STK3: variants seen among roughly 807,000 people sequenced by gnomAD.
The protein encoded by STK3 is serine/threonine kinase 3, also known as serine/threonine-protein kinase 3.
Under a neutral mutation model 58.0 loss-of-function variants are expected in STK3, and 41 were observed. That is an observed-to-expected ratio of 0.71 (90% CI 0.55 to 0.92). The LOEUF is 0.92. Ranked by LOEUF, STK3 falls within the 40% of genes least tolerant of loss-of-function variation. The pLI, the probability that STK3 is intolerant of heterozygous loss-of-function variation, is 0.00. For missense variants in STK3, 479 were observed against 602.7 expected (o/e 0.79, Z 2.15); for synonymous variants, 170 against 191.0 (o/e 0.89, Z 0.91).
At chr8:98,460,579 C>G (rs1352474053) in intron 10 of STK3, among the ~76,000 whole-genome samples, 1 of 152,192 alleles carries the variant, frequency 6.6e-6, no homozygotes, top group Non-Finnish European at 1.5e-5. Context: ...TGTCCCCACT[C>G]AAATCTCATC....
chr8:98,538,072 A>G (rs985804136), intron 9 of STK3, among the ~76,000 whole-genome samples: 1 of 152,184 alleles, frequency 6.6e-6, no homozygotes, highest in East Asian at 1.9e-4. Flanking sequence ...CATGATTATG[A>G]CAAAGATATT....
intron 1 of STK3, among the ~76,000 whole-genome samples, chr8:98,381,376 A>G (rs1359620729): frequency 6.6e-6 from 1 of 152,130 alleles, no homozygotes; most frequent in Non-Finnish European, 1.5e-5. Context: ...CACTTCTTTC[A>G]ATCTTAACTG....
At chr8:98,844,350 T>G (rs1416831700) in intron 3 of STK3, among the ~76,000 whole-genome samples, 1 of 152,184 alleles carries the variant, frequency 6.6e-6, no homozygotes. Context: ...AATAATTGGT[T>G]CAGCTATGGG....
intron 1 of STK3, among the ~76,000 whole-genome samples, chr8:98,912,953 G>A (rs1839208782): frequency 6.6e-6 from 1 of 152,090 alleles, no homozygotes; most frequent in African/African-American, 2.4e-5. Flanking sequence ...CTGTCCCCCA[G>A]GCTGGAGTGC....
chr8:98,917,083 C>A (rs1297206782), intron 1 of STK3, among the ~76,000 whole-genome samples: 1 of 152,116 alleles, frequency 6.6e-6, no homozygotes, highest in Non-Finnish European at 1.5e-5. Flanking sequence ...TCTTGGAGCA[C>A]AATGAGCAAG....
At chr8:98,533,398 GAAT>G (rs1436982524) in intron 9 of STK3, among the ~76,000 whole-genome samples, 1 of 152,100 alleles carries the variant, frequency 6.6e-6, no homozygotes, top group African/African-American at 2.4e-5. Context: ...GTAAACATGT[GAAT>G]AATATAATTA....
rs988470976 is a variant in STK3, at chr8:98,626,494, G to A, written c.685-30325C>T. Among the ~76,000 whole-genome samples, 4 of 152,304 alleles carry A rather than the reference G, an allele frequency of 2.6e-5. No homozygotes were observed. The South Asian group carries it at 8.3e-4, about 32-fold the overall frequency. ...ATAATGGAAGAGCTGAATGACTGCA[G>A]CAGAGACCATATAACTTGTAAAGAC... On this transcript the variant is annotated intron_variant, in intron 6 of 10. Coordinates refer to ENST00000419617, the MANE Select transcript of STK3 (RefSeq NM_006281.4).
chr8:98,736,219 A>G (rs1464507752), intron 4 of STK3, among the ~76,000 whole-genome samples: 1 of 152,204 alleles, frequency 6.6e-6, no homozygotes, highest in Admixed American at 6.5e-5. Context: ...ACAACAAACT[A>G]CCTGAGAAAA....
chr8:98,588,099 T>C (rs1374722318), intron 7 of STK3, among the ~76,000 whole-genome samples: 3 of 152,198 alleles, frequency 2.0e-5, no homozygotes, highest in Non-Finnish European at 4.4e-5. Flanking sequence ...TCCATTTACA[T>C]TTAAAGTTAA....
At chr8:98,638,549 A>G (rs1429558565) in intron 6 of STK3, 1 of 152,248 alleles carries the variant, frequency 6.6e-6, no homozygotes, top group African/African-American at 2.4e-5. Flanking sequence ...GACACAACCA[A>G]TCAAGGCATT....
At chr8:98,673,587 C>T (rs1822983919) in intron 6 of STK3, among the ~76,000 whole-genome samples, 1 of 150,138 alleles carries the variant, frequency 6.7e-6, no homozygotes, top group South Asian at 2.1e-4. Context: ...TGGTGGTTGC[C>T]AGGATCGGAG....
intron 1 of STK3, among the ~76,000 whole-genome samples, chr8:98,929,424 A>T (rs1165196701): frequency 6.6e-6 from 1 of 152,236 alleles, no homozygotes; most frequent in Non-Finnish European, 1.5e-5. Context: ...TTGGGAGGCC[A>T]AGGCAGAGGA....
chr8:98,350,852 T>A, the STK3 span, among the ~76,000 whole-genome samples: 5 of 152,128 alleles, frequency 3.3e-5, no homozygotes, highest in Non-Finnish European at 5.9e-5. Context: ...GAGCTACAAC[T>A]CAAAATGAGA....
intron 1 of STK3, among the ~76,000 whole-genome samples, chr8:98,908,855 A>G (rs1327658312): frequency 6.6e-6 from 1 of 150,588 alleles, no homozygotes; most frequent in Admixed American, 6.6e-5. Flanking sequence ...AAAAAAAAAA[A>G]AAAAAAAAAG....
intron 6 of STK3, among the ~76,000 whole-genome samples, chr8:98,617,019 G>A (rs1451810931): frequency 1.3e-5 from 2 of 151,762 alleles, no homozygotes; most frequent in African/African-American, 4.8e-5. Context: ...GTTTTTTTCA[G>A]CACCACACCA....
chr8:98,375,390 A>C (rs1326066951), intron 2 of STK3, among the ~76,000 whole-genome samples: 1 of 152,236 alleles, frequency 6.6e-6, no homozygotes, highest in East Asian at 1.9e-4. Flanking sequence ...CAGAGATGGC[A>C]TGAATATCTA....
intron 10 of STK3, among the ~76,000 whole-genome samples, chr8:98,520,903 G>A (rs142205572): frequency 1.8e-4 from 28 of 152,062 alleles, no homozygotes; most frequent in Middle Eastern, 3.4e-3. Context: ...AATCACTTAC[G>A]CTGTGCTCCA....
intron 6 of STK3, among the ~76,000 whole-genome samples, chr8:98,642,744 T>C (rs1470314866): frequency 6.6e-6 from 1 of 152,210 alleles, no homozygotes; most frequent in East Asian, 1.9e-4. Context: ...ACAGTTTACA[T>C]CCTTGTTGAA....
chr8:98,450,984 T>G (rs1404491070), downstream of STK3, among the ~76,000 whole-genome samples: 2 of 152,248 alleles, frequency 1.3e-5, no homozygotes, highest in Non-Finnish European at 2.9e-5. Context: ...TAACTAGCTG[T>G]GTGACCTCAT....
Sources: gnomAD v4.1 joint callset for allele counts (sites outside exome capture counted in the v4.1 genomes callset) on GRCh38, gnomAD v4.1.1 for gene constraint, MANE v1.5 for transcripts, NCBI Gene and HGNC (gene_info 2026-07-23, HGNC 2026-07-21) for gene names.